The following TNFRSF19 variants were observed in gnomAD, a reference collection of about 807,000 sequenced individuals.
TNFRSF19 encodes the protein TNF receptor superfamily member 19.
A neutral mutation model predicts 46.4 loss-of-function variants in TNFRSF19; 27 were observed. That is an observed-to-expected ratio of 0.58 (90% CI 0.43 to 0.80). The LOEUF is 0.80. Among genes scored for constraint, TNFRSF19 ranks in the 30% least tolerant of loss-of-function variants. TNFRSF19 has a pLI of 0.00. For synonymous variants in TNFRSF19, 204 were observed against 205.0 expected (o/e 1.00, Z 0.04); for missense variants, 511 against 530.8 (o/e 0.96, Z 0.37).
At chr13:23,591,758 G>T (rs11839340) in intron 2 of TNFRSF19, among the ~76,000 whole-genome samples, 16 of 137,498 alleles carry the variant, frequency 1.2e-4, no homozygotes, top group Middle Eastern at 4.1e-3. Context: ...ACGAAGTTTC[G>T]CTTTGTCACC....
intron 7 of TNFRSF19, among the ~76,000 whole-genome samples, chr13:23,663,446 G>A (rs756809516): frequency 2.6e-5 from 4 of 152,052 alleles, no homozygotes; most frequent in Non-Finnish European, 4.4e-5. Flanking sequence ...TTTTACATTG[G>A]TGTTCATCAG....
intron 1 of TNFRSF19, among the ~76,000 whole-genome samples, chr13:23,588,391 T>C (rs1878999860): frequency 6.6e-6 from 1 of 152,224 alleles, no homozygotes. Flanking sequence ...TGTCTCCTTA[T>C]GGATGTGTAG....
At chr13:23,586,217 T>C (rs1222115290) in intron 1 of TNFRSF19, among the ~76,000 whole-genome samples, 1 of 133,182 alleles carries the variant, frequency 7.5e-6, no homozygotes, top group Non-Finnish European at 1.5e-5. Context: ...GAGATCACAC[T>C]ACTGCACTCC....
At chr13:23,596,632 G>C (rs530887506) in intron 3 of TNFRSF19, among the ~76,000 whole-genome samples, 1 of 152,100 alleles carries the variant, frequency 6.6e-6, no homozygotes, top group African/African-American at 2.4e-5. Context: ...AAAGAGACCT[G>C]GACTCCCACA....
intron 9 of TNFRSF19, among the ~76,000 whole-genome samples, chr13:23,670,429 T>C (rs1951740547): frequency 1.3e-5 from 2 of 152,052 alleles, no homozygotes; most frequent in Non-Finnish European, 2.9e-5. Flanking sequence ...AACGGGGGAA[T>C]GGAGAAGTAA....
chr13:23,576,643 T>C (rs768637961), intron 1 of TNFRSF19, among the ~76,000 whole-genome samples: 10 of 152,208 alleles, frequency 6.6e-5, no homozygotes, highest in Non-Finnish European at 1.3e-4. Context: ...TGGTATAAAT[T>C]TGCATATGCT....
chr13:23,618,254 G>C (rs1881437474), intron 4 of TNFRSF19, among the ~76,000 whole-genome samples: 1 of 152,046 alleles, frequency 6.6e-6, no homozygotes, highest in African/African-American at 2.4e-5. Context: ...GTCTGGTAAG[G>C]AACTATCTTA....
In TNFRSF19 at chr13:23,675,768, C is replaced by G. The variant is rs1337380958; in HGVS notation, c.*2388C>G. ...ACTGTGGCTTCTTGTGCTGCAGAAG[C>G]TCGTTGACAAGACTGAGGAGGATTT... is the stretch of plus-strand genomic sequence containing the variant. On this transcript the variant is annotated 3_prime_UTR_variant, in exon 10 of 10. Transcript: ENST00000248484. The G allele has an allele frequency of 6.6e-6, 1 of 152,144 alleles. No homozygotes were observed. The highest frequency in any genetic ancestry group is 1.5e-5 in the Non-Finnish European group (1 of 68,034). The allele number at this position is 152,144 out of a possible 1,614,324, so 9.4% of individuals were successfully genotyped here.
intron 5 of TNFRSF19, among the ~76,000 whole-genome samples, chr13:23,634,637 T>C (rs1418388765): frequency 2.0e-5 from 3 of 152,218 alleles, no homozygotes; most frequent in Non-Finnish European, 4.4e-5. Context: ...CCCCATCAAA[T>C]GCTTAAAATA....
chr13:23,627,100 G>A (rs970287482), intron 5 of TNFRSF19, among the ~76,000 whole-genome samples: 4 of 152,200 alleles, frequency 2.6e-5, no homozygotes, highest in Non-Finnish European at 4.4e-5. Context: ...ATAACCAGGC[G>A]GCTCACATCC....
At chr13:23,577,503 TGAA>T (rs2138136167) in intron 1 of TNFRSF19, among the ~76,000 whole-genome samples, 1 of 152,288 alleles carries the variant, frequency 6.6e-6, no homozygotes, top group African/African-American at 2.4e-5. Flanking sequence ...TTTAACTCCT[TGAA>T]GAAGAAAGTT....
chr13:23,598,309 A>G (rs1184414101), intron 3 of TNFRSF19, among the ~76,000 whole-genome samples: 3 of 152,140 alleles, frequency 2.0e-5, no homozygotes, highest in Admixed American at 6.5e-5. Context: ...GGGTGCAGCA[A>G]ACCACCATGG....
intron 5 of TNFRSF19, among the ~76,000 whole-genome samples, chr13:23,637,684 G>A (rs1593276643): frequency 6.6e-6 from 1 of 152,288 alleles, no homozygotes; most frequent in East Asian, 1.9e-4. Flanking sequence ...GGAAGTTAAT[G>A]GGTGGAAATA....
intron 7 of TNFRSF19, among the ~76,000 whole-genome samples, chr13:23,664,997 TAAG>T (rs1470265664): frequency 1.3e-5 from 2 of 152,274 alleles, no homozygotes; most frequent in Non-Finnish European, 2.9e-5. Context: ...CTATATGGAA[TAAG>T]AAGATTTCAT....
rs1316466984 is a variant in TNFRSF19, at chr13:23,613,471, T to C, written c.181-2396T>C. ...TGTTGACCTGGCTTGAAACAGAATT[T>C]CCAAGGACATTTATTTCCAGTTAAT... On this transcript the variant is annotated intron_variant, in intron 3 of 9. Coordinates refer to ENST00000248484, the MANE Select transcript of TNFRSF19 (RefSeq NM_148957.4). Among the ~76,000 whole-genome samples, 4 of 152,334 alleles carry C rather than the reference T, an allele frequency of 2.6e-5. No individual in the cohort carries two copies. The East Asian group carries it at 5.8e-4, about 22-fold the overall frequency.
At chr13:23,655,844 A>G (rs752330113) in intron 5 of TNFRSF19, among the ~76,000 whole-genome samples, 1 of 152,082 alleles carries the variant, frequency 6.6e-6, no homozygotes. Context: ...ACTAGAAACT[A>G]AAAAGAATTA....
chr13:23,604,380 T>C (rs2138220234), intron 3 of TNFRSF19, among the ~76,000 whole-genome samples: 2 of 152,116 alleles, frequency 1.3e-5, no homozygotes, highest in Middle Eastern at 3.4e-3. Flanking sequence ...TGGAGAGATA[T>C]TCCATGTTTA....
At chr13:23,617,915 G>C (rs1339617021) in intron 4 of TNFRSF19, among the ~76,000 whole-genome samples, 1 of 152,130 alleles carries the variant, frequency 6.6e-6, no homozygotes, top group Non-Finnish European at 1.5e-5. Context: ...GACTCTAACT[G>C]GATCGACCAC....
chr13:23,637,501 T>G (rs950772603), intron 5 of TNFRSF19, among the ~76,000 whole-genome samples: 2 of 152,256 alleles, frequency 1.3e-5, no homozygotes, highest in Non-Finnish European at 2.9e-5. Context: ...CCTGGAGTTT[T>G]GTGCTTTGCC....
Sources: allele counts gnomAD v4.1 joint callset (sites outside exome capture counted in the v4.1 genomes callset), GRCh38; gene constraint gnomAD v4.1.1; transcripts MANE v1.5; gene names NCBI Gene and HGNC (gene_info 2026-07-23, HGNC 2026-07-21).